GULP1: variants seen among roughly 807,000 people sequenced by gnomAD.
The protein encoded by GULP1 is GULP PTB domain containing engulfment adaptor 1.
A neutral mutation model predicts 40.9 loss-of-function variants in GULP1; 19 were observed. That is an observed-to-expected ratio of 0.46 (90% CI 0.32 to 0.68). The LOEUF (loss-of-function observed/expected upper bound fraction) is 0.68, where lower values mean the gene tolerates loss of function less well. GULP1 is among the 30% of genes least tolerant of loss of function. The pLI is 0.03. For synonymous variants in GULP1, 119 were observed against 117.6 expected (o/e 1.01, Z -0.08); for missense variants, 312 against 362.2 (o/e 0.86, Z 1.12).
At chr2:188,555,776 C>T (rs1694586064) in intron 7 of GULP1, among the ~76,000 whole-genome samples, 1 of 152,010 alleles carries the variant, frequency 6.6e-6, no homozygotes, top group Non-Finnish European at 1.5e-5. Flanking sequence ...GAGTTTTCAT[C>T]TAGGCTGGGT....
At chr2:188,326,204 A>G (rs1324711625) in intron 1 of GULP1, among the ~76,000 whole-genome samples, 1 of 152,104 alleles carries the variant, frequency 6.6e-6, no homozygotes, top group Non-Finnish European at 1.5e-5. Flanking sequence ...TACATTATGC[A>G]TATTAAGTCC....
chr2:188,403,394 A>G (rs935408338), intron 2 of GULP1, among the ~76,000 whole-genome samples: 1 of 152,164 alleles, frequency 6.6e-6, no homozygotes, highest in African/African-American at 2.4e-5. Context: ...ATGAAGGAAA[A>G]CAACAGTAGT....
chr2:188,497,541 CT>C (rs1559310299), intron 4 of GULP1, among the ~76,000 whole-genome samples: 1 of 151,800 alleles, frequency 6.6e-6, no homozygotes, highest in African/African-American at 2.4e-5. Flanking sequence ...AGTATGTTTG[CT>C]TTTTTTAAGG....
At chr2:188,575,117 T>A (rs887463878) in intron 9 of GULP1, among the ~76,000 whole-genome samples, 1 of 152,202 alleles carries the variant, frequency 6.6e-6, no homozygotes, top group Non-Finnish European at 1.5e-5. Context: ...TCTAAAAAGT[T>A]CCCTCAAGGT....
intron 8 of GULP1, 45 bp downstream of exon 8, chr2:188,569,400 A>G (rs781581385): frequency 1.0e-6 from 1 of 986,014 alleles, no homozygotes; most frequent in Non-Finnish European, 1.6e-6. Flanking sequence ...TGATGTAAGT[A>G]CAGGGAAACT....
intron 1 of GULP1, among the ~76,000 whole-genome samples, chr2:188,316,573 T>A (rs2039112084): frequency 6.6e-6 from 1 of 152,086 alleles, no homozygotes; most frequent in African/African-American, 2.4e-5. Context: ...CCCTGACTGC[T>A]CCTCCCCAGC....
At chr2:188,332,973 G>A (rs2041811301) in intron 1 of GULP1, among the ~76,000 whole-genome samples, 1 of 152,070 alleles carries the variant, frequency 6.6e-6, no homozygotes, top group South Asian at 2.1e-4. Context: ...ACTGAGTGTG[G>A]TGGCTCATGC....
chr2:188,509,099 T>C (rs1374115578), intron 4 of GULP1, among the ~76,000 whole-genome samples: 1 of 152,052 alleles, frequency 6.6e-6, no homozygotes, highest in African/African-American at 2.4e-5. Flanking sequence ...TTTCTGTTCA[T>C]CACTTTCTTT....
intron 1 of GULP1, among the ~76,000 whole-genome samples, chr2:188,365,532 G>A (rs1308371225): frequency 1.3e-5 from 2 of 152,188 alleles, no homozygotes; most frequent in African/African-American, 4.8e-5. Context: ...ATTCTTGAGT[G>A]CTACCAATAT....
At chr2:188,472,881 T>C (rs959541780) in intron 2 of GULP1, among the ~76,000 whole-genome samples, 1 of 152,172 alleles carries the variant, frequency 6.6e-6, no homozygotes, top group African/African-American at 2.4e-5. Flanking sequence ...AAGAGTTAGG[T>C]ATTTATTGTA....
intron 2 of GULP1, among the ~76,000 whole-genome samples, chr2:188,465,954 G>GGTGTGTGTGTGTGTATAT (rs1553561514): frequency 6.7e-6 from 1 of 150,330 alleles, no homozygotes; most frequent in East Asian, 2.0e-4. Context: ...CTCTTATGAA[G>GGTGTGTGTGTGTGTATAT]GTGTGTGTGT....
At chr2:188,414,150 G>A (rs544274105) in intron 2 of GULP1, among the ~76,000 whole-genome samples, 1 of 148,806 alleles carries the variant, frequency 6.7e-6, no homozygotes, top group South Asian at 2.1e-4. Flanking sequence ...CTGGGAGGCA[G>A]AGGTAGCAGT....
chr2:188,593,817 T>C (rs528017908), intron 11 of GULP1, 123 bp from the exon 12 acceptor site: 6 of 621,066 alleles, frequency 9.7e-6, no homozygotes, highest in East Asian at 8.4e-5. Context: ...ACATTTGACA[T>C]ATAGTTATTT....
intron 6 of GULP1, among the ~76,000 whole-genome samples, chr2:188,535,266 G>A (rs1003979229): frequency 4.6e-5 from 7 of 151,870 alleles, no homozygotes; most frequent in Admixed American, 1.3e-4. Flanking sequence ...GCTGAGGTTT[G>A]GCATATGAAT....
chr2:188,446,747 T>C (rs1202977445), intron 2 of GULP1, among the ~76,000 whole-genome samples: 2 of 152,190 alleles, frequency 1.3e-5, no homozygotes, highest in Non-Finnish European at 2.9e-5. Context: ...AGAAAATCAG[T>C]GTTTGAACTT....
chr2:188,441,922 T>A (rs1210545357), intron 2 of GULP1, among the ~76,000 whole-genome samples: 2 of 152,204 alleles, frequency 1.3e-5, no homozygotes, highest in Non-Finnish European at 2.9e-5. Context: ...ACATTTTGAG[T>A]TAGACTTTGC....
chr2:188,391,373 T>C (rs1228650926), intron 2 of GULP1, among the ~76,000 whole-genome samples: 1 of 152,032 alleles, frequency 6.6e-6, no homozygotes, highest in African/African-American at 2.4e-5. Context: ...TTGCAGCTAT[T>C]GTAAAAGAGA....
intron 1 of GULP1, among the ~76,000 whole-genome samples, chr2:188,310,152 T>G (rs555992023): frequency 6.6e-6 from 1 of 152,336 alleles, no homozygotes; most frequent in South Asian, 2.1e-4. Flanking sequence ...GTTAGAGTTC[T>G]GTAGCTGTGG....
At chr2:188,592,509 T>C (rs1703768176) in intron 11 of GULP1, 2 of 152,040 alleles carry the variant, frequency 1.3e-5, no homozygotes, top group Admixed American at 6.6e-5. Context: ...TAAAAAATAA[T>C]GATAAGTAGT....
Sources: gnomAD v4.1 joint callset for allele counts (sites outside exome capture counted in the v4.1 genomes callset) on GRCh38, gnomAD v4.1.1 for gene constraint, MANE v1.5 for transcripts, NCBI Gene and HGNC (gene_info 2026-07-23, HGNC 2026-07-21) for gene names.